Variants in PDE6B observed in about 807,000 individuals in gnomAD.
PDE6B encodes the protein rod cGMP-specific 3',5'-cyclic phosphodiesterase subunit beta.
PDE6B carries 106 observed loss-of-function variants against 109.0 expected under a neutral mutation model. That is an observed-to-expected ratio of 0.97 (90% CI 0.83 to 1.14). PDE6B has a LOEUF of 1.14. Among genes scored for constraint, PDE6B ranks in the 50% most tolerant of loss-of-function variants. The pLI is 0.00. For synonymous variants in PDE6B, 490 were observed against 471.3 expected (o/e 1.04, Z -0.51); for missense variants, 1,193 against 1,155.6 (o/e 1.03, Z -0.47).
Position 662,094 on chromosome 4 carries a change from C to A in PDE6B, c.1615-40C>A. 9.9e-7 allele frequency: 1 copy of A among 1,005,626 alleles called. No individual in the cohort carries two copies. The highest frequency in any genetic ancestry group is 1.5e-6 in the Non-Finnish European group (1 of 648,682). The allele number at this position is 1,005,626 out of a possible 1,614,324, so 62.3% of individuals were successfully genotyped here. On this transcript the variant is annotated intron_variant, in intron 12 of 21. Coordinates refer to ENST00000496514, the MANE Select transcript of PDE6B (RefSeq NM_000283.4). The surrounding 1 kb of genome is among the most constrained non-coding windows in gnomAD (Gnocchi z 4.3). ...AGGTGCCGCTCTGGCGGGACTTACA[C>A]GCTTGCCGCCGGAGCCCTGTGTCCT...
chr4:653,063 A>G, intron 3 of PDE6B: 1 of 429,166 alleles, frequency 2.3e-6, no homozygotes, highest in Non-Finnish European at 3.1e-6. Flanking sequence ...AAATAAAGCT[A>G]CGAACATCTC....
chr4:634,676 G>A lies in PDE6B; in HGVS notation c.469-1G>A. 2 of 1,612,258 alleles carry A rather than the reference G, an allele frequency of 1.2e-6. No homozygotes were observed. Among genetic ancestry groups the A allele is most frequent in the South Asian group, 2.2e-5 (2 of 91,048 alleles). ...TTAGCCTCTTTCCTCTCTTGCGGCA[G>A]TGCCCTCACTTCAGCTCATTTGCTG... On this transcript the variant is annotated splice_acceptor_variant, in intron 1 of 21. Coordinates refer to ENST00000496514, the MANE Select transcript of PDE6B (RefSeq NM_000283.4). LOFTEE classifies it high-confidence loss of function.
intron 1 of PDE6B, among the ~76,000 whole-genome samples, chr4:627,240 C>T (rs1459481809): frequency 2.0e-5 from 3 of 151,804 alleles, no homozygotes; most frequent in Admixed American, 2.0e-4. Flanking sequence ...CCGTCTCCCA[C>T]GTTCAAGCGA....
chr4:634,932 C>A (rs1365871455), intron 2 of PDE6B, 103 bp downstream of exon 2: 25 of 965,406 alleles, frequency 2.6e-5, no homozygotes, highest in Non-Finnish European at 3.5e-5. Context: ...TGCCTGCCCG[C>A]CTGCCCGTGT....
intron 3 of PDE6B, among the ~76,000 whole-genome samples, chr4:639,204 G>A (rs1734833264): frequency 6.6e-6 from 1 of 151,814 alleles, no homozygotes; most frequent in Admixed American, 6.6e-5. Context: ...GAGTGCGGTG[G>A]TGCAATCATA....
intron 3 of PDE6B, chr4:652,505 G>T: frequency 1.0e-6 from 1 of 984,992 alleles, no homozygotes; most frequent in East Asian, 1.1e-4. Flanking sequence ...GGTCAGCCGC[G>T]CTGTGTGGCG....
At chr4:632,055 G>C (rs1386284207) in intron 1 of PDE6B, among the ~76,000 whole-genome samples, 2 of 151,674 alleles carry the variant, frequency 1.3e-5, no homozygotes, top group Non-Finnish European at 2.9e-5. Context: ...AGGTCATCCT[G>C]TGTGGATCTA....
chr4:650,111 G>C (rs964958605), intron 3 of PDE6B, among the ~76,000 whole-genome samples: 1 of 152,124 alleles, frequency 6.6e-6, no homozygotes, highest in African/African-American at 2.4e-5. Flanking sequence ...TCCTGTACCG[G>C]GGTGCTGGGA....
At chr4:658,048 TGGTGGG>T (rs1736559593) in intron 10 of PDE6B, among the ~76,000 whole-genome samples, 1 of 57,494 alleles carries the variant, frequency 1.7e-5, no homozygotes, top group Non-Finnish European at 3.2e-5. Flanking sequence ...CACGGCTGTG[TGGTGGG>T]GGCAGGTCGT....
At chr4:651,056 T>G (rs1735491730) in intron 3 of PDE6B, among the ~76,000 whole-genome samples, 1 of 149,692 alleles carries the variant, frequency 6.7e-6, no homozygotes, top group Non-Finnish European at 1.5e-5. Flanking sequence ...CAGGACGGGC[T>G]GAGGCGGCGA....
chr4:655,293 G>T (rs1560120726), intron 6 of PDE6B: 2 of 306,834 alleles, frequency 6.5e-6, no homozygotes, highest in Non-Finnish European at 1.3e-5. Context: ...GGCCCCGTGG[G>T]GCTGGAAGAG....
chr4:649,719 T>C (rs1047034358), intron 3 of PDE6B, among the ~76,000 whole-genome samples: 1 of 152,060 alleles, frequency 6.6e-6, no homozygotes, highest in African/African-American at 2.4e-5. Flanking sequence ...AGCGCTTGCC[T>C]CCCACCACAG....
At chr4:652,470 C>G (rs933998762) in intron 3 of PDE6B, 4 of 983,892 alleles carry the variant, frequency 4.1e-6, no homozygotes, top group Admixed American at 6.2e-5. Flanking sequence ...GCAAAGCGTT[C>G]GTTAGCTGGA....
At chr4:667,205 C>A (rs768830952) in intron 20 of PDE6B, among the ~76,000 whole-genome samples, 3 of 152,174 alleles carry the variant, frequency 2.0e-5, no homozygotes, top group African/African-American at 7.2e-5. Flanking sequence ...AGCCAGCTGC[C>A]TCCGGCCACA....
intron 3 of PDE6B, among the ~76,000 whole-genome samples, chr4:650,156 G>A (rs929424304): frequency 2.6e-5 from 4 of 152,294 alleles, no homozygotes. Context: ...AGGGGCCCCC[G>A]CTCCCTGAGG....
chr4:660,900 A>C (rs560110926), intron 12 of PDE6B, among the ~76,000 whole-genome samples: 10 of 107,920 alleles, frequency 9.3e-5, no homozygotes, highest in East Asian at 6.1e-4. Context: ...GGAAGGAAGG[A>C]AGGCCAACAG....
chr4:653,627 G>A (rs910205512), intron 3 of PDE6B: 11 of 619,550 alleles, frequency 1.8e-5, no homozygotes, highest in East Asian at 2.8e-5. Context: ...GGACACGACC[G>A]CAGCCTCGAG....
chr4:643,401 G>A lies in PDE6B; in HGVS notation c.711+7432G>A, dbSNP rs528898083. Among the ~76,000 whole-genome samples, 7 of 152,200 alleles carry A rather than the reference G, an allele frequency of 4.6e-5. No homozygotes were observed. In the South Asian group the frequency reaches 1.2e-3, roughly 27 times the overall value. On this transcript the variant is annotated intron_variant, in intron 3 of 21. Transcript: ENST00000496514. Reference sequence around the variant, plus strand: ...TCTTATAATGTCTTTATCTGGTTTTGCTATTAGGATAATTTTGACCTCATT... The same window carrying A: ...TCTTATAATGTCTTTATCTGGTTTTACTATTAGGATAATTTTGACCTCATT...
At position 628,531 on chromosome 4, in the gene PDE6B, G is replaced by A. The variant is rs78827403; in HGVS notation, c.468+2437G>A. On this transcript the variant is annotated intron_variant, in intron 1 of 21. Coordinates refer to ENST00000496514, the MANE Select transcript of PDE6B (RefSeq NM_000283.4). ...GTCTGCCTCTCAAGGGTGCTGCAGC[G>A]GCTAAACCAGCCTGCTCCTGAGCAC... Among the ~76,000 whole-genome samples the A allele has an allele frequency of 8.4e-3, 1,285 of 152,342 alleles. 5 individuals are homozygous for A. Among genetic ancestry groups the A allele is most frequent in the Non-Finnish European group, 0.013 (856 of 68,022 alleles).
Sources: allele counts gnomAD v4.1 joint callset (sites outside exome capture counted in the v4.1 genomes callset), GRCh38; gene constraint gnomAD v4.1.1; non-coding constraint Gnocchi (gnomAD v3.1); transcripts MANE v1.5; gene names NCBI Gene and HGNC (gene_info 2026-07-23, HGNC 2026-07-21).